Variants in RGS7 observed in about 807,000 individuals in gnomAD.
The protein encoded by RGS7 is regulator of G protein signaling 7, also known as regulator of G-protein signaling 7.
In RGS7, 27 loss-of-function variants were observed where a neutral mutation model predicts 81.1. That is an observed-to-expected ratio of 0.33 (90% CI 0.25 to 0.46). The LOEUF is 0.46. RGS7 is among the 20% of genes least tolerant of loss of function. The probability of loss-of-function intolerance (pLI) is 1.00; values close to 1 mark genes in which losing one functional copy is unlikely to be tolerated. For synonymous variants in RGS7, 208 were observed against 207.7 expected (o/e 1.00, Z -0.01); for missense variants, 396 against 607.4 (o/e 0.65, Z 3.66).
chr1:241,288,659 C>A (rs189597503), intron 2 of RGS7, among the ~76,000 whole-genome samples: 87 of 152,252 alleles, frequency 5.7e-4, no homozygotes, highest in African/African-American at 2.0e-3. Flanking sequence ...TAAGGGAGGC[C>A]ACAAGGTCTA....
intron 3 of RGS7, among the ~76,000 whole-genome samples, chr1:241,046,502 A>T (rs961148458): frequency 1.3e-5 from 2 of 152,232 alleles, no homozygotes; most frequent in African/African-American, 4.8e-5. Flanking sequence ...TTTTGATATC[A>T]TTCAAGTGAA....
At chr1:241,352,909 C>A (rs934708557) in intron 2 of RGS7, among the ~76,000 whole-genome samples, 1 of 152,196 alleles carries the variant, frequency 6.6e-6, no homozygotes, top group Non-Finnish European at 1.5e-5. Context: ...ATGGAAACAG[C>A]ACATACATAT....
intron 2 of RGS7, among the ~76,000 whole-genome samples, chr1:241,314,952 T>C (rs913611730): frequency 9.9e-5 from 15 of 152,018 alleles, no homozygotes; most frequent in Admixed American, 3.9e-4. Context: ...AGAAATGGTT[T>C]AAAGTGAGTA....
intron 3 of RGS7, among the ~76,000 whole-genome samples, chr1:241,063,817 T>G (rs1235268120): frequency 6.6e-6 from 1 of 152,158 alleles, no homozygotes; most frequent in Non-Finnish European, 1.5e-5. Flanking sequence ...GTTTTTGCAA[T>G]CCAAGTAAAA....
At chr1:240,790,382 G>A (rs1685783645) in intron 18 of RGS7, among the ~76,000 whole-genome samples, 1 of 152,020 alleles carries the variant, frequency 6.6e-6, no homozygotes, top group African/African-American at 2.4e-5. Context: ...TGAACTCCTG[G>A]CCTTAAGTGA....
chr1:240,788,702 T>A (rs1685468356), intron 18 of RGS7, among the ~76,000 whole-genome samples: 1 of 152,224 alleles, frequency 6.6e-6, no homozygotes, highest in Non-Finnish European at 1.5e-5. Flanking sequence ...TTAAACTGTA[T>A]GGTTTTGGGA....
chr1:240,955,987 C>T (rs1335087338), intron 4 of RGS7, among the ~76,000 whole-genome samples: 4 of 152,100 alleles, frequency 2.6e-5, no homozygotes, highest in African/African-American at 9.7e-5. Context: ...TCAGGTATAG[C>T]ACTAAAATCA....
chr1:241,093,050 CA>C (rs1225208613), intron 3 of RGS7, among the ~76,000 whole-genome samples: 1 of 151,870 alleles, frequency 6.6e-6, no homozygotes, highest in Non-Finnish European at 1.5e-5. Context: ...TTCAAAGACA[CA>C]ATTTTTTAGT....
chr1:241,064,789 C>G (rs1233999121), intron 3 of RGS7, among the ~76,000 whole-genome samples: 1 of 152,016 alleles, frequency 6.6e-6, no homozygotes, highest in African/African-American at 2.4e-5. Context: ...TTTAGCAGTA[C>G]TCTGGATGTT....
chr1:240,855,627 TATATCTTATTTAACCACCCCGGTA>T (rs975892503), intron 9 of RGS7, among the ~76,000 whole-genome samples: 48 of 152,064 alleles, frequency 3.2e-4, no homozygotes, highest in African/African-American at 1.1e-3. Flanking sequence ...GTCTTGTGGA[TATATCTTATTTAACCACCCCGGTA>T]AGTTGAATAG....
chr1:240,872,171 C>T (rs547549449), intron 6 of RGS7, among the ~76,000 whole-genome samples: 6 of 152,230 alleles, frequency 3.9e-5, no homozygotes, highest in African/African-American at 1.2e-4. Flanking sequence ...ATTGGTATCA[C>T]AAATATTTGT....
chr1:241,315,458 A>G (rs929178383), intron 2 of RGS7, among the ~76,000 whole-genome samples: 1 of 152,202 alleles, frequency 6.6e-6, no homozygotes, highest in Non-Finnish European at 1.5e-5. Context: ...AGTGATAACC[A>G]AGCCACTTTC....
At chr1:241,025,847 G>A (rs911131251) in intron 3 of RGS7, among the ~76,000 whole-genome samples, 3 of 152,148 alleles carry the variant, frequency 2.0e-5, no homozygotes, top group African/African-American at 7.2e-5. Context: ...ATGATTGACA[G>A]TGGACTCACT....
At chr1:241,128,087 A>G (rs992181221) in intron 2 of RGS7, among the ~76,000 whole-genome samples, 5 of 150,744 alleles carry the variant, frequency 3.3e-5, no homozygotes, top group African/African-American at 1.2e-4. Context: ...GACCATCCTG[A>G]CTAACATGGT....
At chr1:241,328,892 C>A (rs1178348598) in intron 2 of RGS7, among the ~76,000 whole-genome samples, 1 of 152,102 alleles carries the variant, frequency 6.6e-6, no homozygotes. Context: ...ACTGGTCTAC[C>A]AGGGATAGCA....
At chr1:241,199,381 G>A (rs1055316441) in intron 2 of RGS7, among the ~76,000 whole-genome samples, 4 of 151,606 alleles carry the variant, frequency 2.6e-5, no homozygotes, top group East Asian at 3.9e-4. Context: ...CTGAGATTGC[G>A]CCACTGCACT....
intron 3 of RGS7, among the ~76,000 whole-genome samples, chr1:241,004,327 G>T (rs1195410732): frequency 6.6e-6 from 1 of 152,052 alleles, no homozygotes; most frequent in African/African-American, 2.4e-5. Flanking sequence ...CCACAATAAT[G>T]AGTATACATC....
intron 3 of RGS7, among the ~76,000 whole-genome samples, chr1:241,071,765 TTGGGAGGCTGAGA>T (rs1325108622): frequency 6.7e-6 from 1 of 149,656 alleles, no homozygotes; most frequent in East Asian, 2.0e-4. Flanking sequence ...ACCCAGCTAC[TTGGGAGGCTGAGA>T]TGGGAGGATC....
At chr1:241,216,594 A>T (rs1019076000) in intron 2 of RGS7, among the ~76,000 whole-genome samples, 1 of 152,172 alleles carries the variant, frequency 6.6e-6, no homozygotes, top group Non-Finnish European at 1.5e-5. Flanking sequence ...TTTATTCCCT[A>T]TTCACGCTAT....
Sources: gnomAD v4.1 joint callset for allele counts (sites outside exome capture counted in the v4.1 genomes callset) on GRCh38, gnomAD v4.1.1 for gene constraint, MANE v1.5 for transcripts, NCBI Gene and HGNC (gene_info 2026-07-23, HGNC 2026-07-21) for gene names.